Variants in NEK1 observed in about 807,000 individuals in gnomAD.
NEK1 encodes NIMA related kinase 1.
A neutral mutation model predicts 182.1 loss-of-function variants in NEK1; 137 were observed. The ratio of observed to expected loss-of-function variants is 0.75; its 90% CI spans 0.65 to 0.87. The LOEUF (loss-of-function observed/expected upper bound fraction) is 0.87. NEK1 is among the 40% of genes least tolerant of loss of function. The pLI, the probability that NEK1 is intolerant of heterozygous loss-of-function variation, is 0.00. For missense variants in NEK1, 1,391 were observed against 1,494.4 expected, an observed-to-expected ratio of 0.93 and a Z score of 1.14; for synonymous variants, 513 against 492.2, an observed-to-expected ratio of 1.04 and a Z score of -0.56.
At chr4:169,557,510 G>T (rs774522401) in intron 16 of NEK1, among the ~76,000 whole-genome samples, 1 of 148,826 alleles carries the variant, frequency 6.7e-6, no homozygotes, top group Non-Finnish European at 1.5e-5. Flanking sequence ...TATGACTAAG[G>T]CTGAGTGGAA....
intron 12 of NEK1, among the ~76,000 whole-genome samples, chr4:169,575,401 G>A (rs1389591282): frequency 6.6e-6 from 1 of 152,222 alleles, no homozygotes; most frequent in Admixed American, 6.5e-5. Flanking sequence ...TTCCTGATTA[G>A]TGTGTTTCCT....
intron 19 of NEK1, among the ~76,000 whole-genome samples, chr4:169,523,957 T>A (rs1756496764): frequency 2.0e-5 from 3 of 152,336 alleles, no homozygotes; most frequent in Admixed American, 2.0e-4. Context: ...TAAGATGAGT[T>A]AATAAGAAAG....
chr4:169,600,172 C>G (rs996204089), intron 4 of NEK1, among the ~76,000 whole-genome samples: 1 of 152,132 alleles, frequency 6.6e-6, no homozygotes, highest in African/African-American at 2.4e-5. Context: ...TCACTTCTTT[C>G]ACTGACTGTG....
At chr4:169,471,076 T>TA (rs894097549) in intron 26 of NEK1, among the ~76,000 whole-genome samples, 9 of 152,214 alleles carry the variant, frequency 5.9e-5, no homozygotes, top group Non-Finnish European at 1.3e-4. Flanking sequence ...CACACTCCTT[T>TA]AGCTTGGAGA....
At chr4:169,446,740 C>A (rs1740641870) in intron 27 of NEK1, among the ~76,000 whole-genome samples, 1 of 152,032 alleles carries the variant, frequency 6.6e-6, no homozygotes, top group South Asian at 2.1e-4. Context: ...AGCAGAAATT[C>A]TGGAGCTGAG....
chr4:169,406,888 T>C (rs915827470), intron 31 of NEK1, 141 bp from the exon 32 acceptor site: 6 of 360,858 alleles, frequency 1.7e-5, no homozygotes, highest in East Asian at 1.1e-4. Flanking sequence ...ATGTAACATA[T>C]ATATGTAACA....
At chr4:169,397,547 C>T (rs192495701) in intron 35 of NEK1, among the ~76,000 whole-genome samples, 16 of 152,162 alleles carry the variant, frequency 1.1e-4, no homozygotes, top group Admixed American at 3.9e-4. Flanking sequence ...AAAAGATTGC[C>T]AGGGTAGGCA....
At chr4:169,453,665 G>C (rs1165060951) in intron 27 of NEK1, among the ~76,000 whole-genome samples, 1 of 152,248 alleles carries the variant, frequency 6.6e-6, no homozygotes, top group Non-Finnish European at 1.5e-5. Flanking sequence ...TCCTGCTGCA[G>C]TTAACTAGCC....
At chr4:169,469,997 G>A (rs926589140) in intron 26 of NEK1, among the ~76,000 whole-genome samples, 5 of 137,412 alleles carry the variant, frequency 3.6e-5, no homozygotes, top group African/African-American at 1.1e-4. Flanking sequence ...TTCCTCCATC[G>A]CTTTATTTTG....
intron 27 of NEK1, among the ~76,000 whole-genome samples, chr4:169,446,724 G>C (rs187159447): frequency 6.6e-6 from 1 of 152,164 alleles, no homozygotes; most frequent in East Asian, 1.9e-4. Context: ...TAATTAAAAA[G>C]AATCAAGCAG....
At chr4:169,515,500 C>CTT (rs199732218) in intron 19 of NEK1, among the ~76,000 whole-genome samples, 14 of 141,698 alleles carry the variant, frequency 9.9e-5, no homozygotes, top group East Asian at 6.3e-4. Flanking sequence ...GCAATAACTT[C>CTT]TTTTTTTTTT....
chr4:169,419,848 C>G (rs537440680), intron 31 of NEK1, among the ~76,000 whole-genome samples: 28 of 152,222 alleles, frequency 1.8e-4, no homozygotes, highest in African/African-American at 4.3e-4. Flanking sequence ...AAATATTTGT[C>G]TATCTAAACA....
At chr4:169,449,905 C>G (rs1008521030) in intron 27 of NEK1, among the ~76,000 whole-genome samples, 1 of 152,158 alleles carries the variant, frequency 6.6e-6, no homozygotes, top group African/African-American at 2.4e-5. Context: ...TGTTTGAACT[C>G]ATAGCAAGGA....
At chr4:169,561,234 T>C (rs1472602381) in intron 16 of NEK1, among the ~76,000 whole-genome samples, 1 of 152,212 alleles carries the variant, frequency 6.6e-6, no homozygotes, top group Non-Finnish European at 1.5e-5. Flanking sequence ...ACAGGAATAA[T>C]GTTATCATAG....
chr4:169,584,562 T>C (rs990172686), intron 10 of NEK1, among the ~76,000 whole-genome samples: 1 of 152,078 alleles, frequency 6.6e-6, no homozygotes, highest in Non-Finnish European at 1.5e-5. Context: ...CAGTGAGCTA[T>C]GATCATGATA....
chr4:169,524,054 C>G (rs1756510344), intron 19 of NEK1, among the ~76,000 whole-genome samples: 1 of 151,978 alleles, frequency 6.6e-6, no homozygotes, highest in African/African-American at 2.4e-5. Context: ...AGAAGATAAC[C>G]AAGAAAAACT....
intron 21 of NEK1, 84 bp downstream of exon 21, chr4:169,508,164 G>A (rs1046426830): frequency 2.7e-5 from 32 of 1,184,916 alleles, no homozygotes; most frequent in East Asian, 1.1e-4. Flanking sequence ...TGTTGTTGTC[G>A]TTGTTGTTAA....
intron 19 of NEK1, among the ~76,000 whole-genome samples, chr4:169,522,736 T>C (rs968487829): frequency 2.0e-5 from 3 of 152,230 alleles, no homozygotes; most frequent in African/African-American, 4.8e-5. Flanking sequence ...GGGGCAGGGA[T>C]AGCCTGAGGC....
chr4:169,531,180 T>C (rs1757619014), intron 19 of NEK1, among the ~76,000 whole-genome samples: 1 of 151,994 alleles, frequency 6.6e-6, no homozygotes, highest in Admixed American at 6.6e-5. Context: ...GAAGGAAATT[T>C]TGAAGTAGTA....
Sources: gnomAD v4.1 joint callset for allele counts (sites outside exome capture counted in the v4.1 genomes callset) on GRCh38, gnomAD v4.1.1 for gene constraint, MANE v1.5 for transcripts, NCBI Gene and HGNC (gene_info 2026-07-23, HGNC 2026-07-21) for gene names.